The following PSPC1 variants were observed in gnomAD, a reference collection of about 807,000 sequenced individuals.
The protein encoded by PSPC1 is paraspeckle component 1, also known as paraspeckle protein 1.
Under a neutral mutation model 51.6 loss-of-function variants are expected in PSPC1, and 14 were observed. That is an observed-to-expected ratio of 0.27 (90% CI 0.18 to 0.42). PSPC1 has a LOEUF of 0.42. Among genes scored for constraint, PSPC1 ranks in the 10% least tolerant of loss-of-function variants. The pLI is 1.00. For missense variants in PSPC1, 406 were observed against 701.1 expected, an observed-to-expected ratio of 0.58 and a Z score of 4.75; for synonymous variants, 193 against 231.9, an observed-to-expected ratio of 0.83 and a Z score of 1.53.
intron 5 of PSPC1, among the ~76,000 whole-genome samples, chr13:19,735,235 C>T (rs186552682): frequency 9.1e-4 from 138 of 152,172 alleles, no homozygotes; most frequent in African/African-American, 3.0e-3. Context: ...TCACTTGAAC[C>T]GAAGAGGCAG....
At chr13:19,741,335 T>C (rs185933244) in intron 5 of PSPC1, among the ~76,000 whole-genome samples, 80 of 152,284 alleles carry the variant, frequency 5.3e-4, no homozygotes, top group African/African-American at 1.8e-3. Flanking sequence ...CATATAATAA[T>C]ACCTAAAACC....
At chr13:19,741,453 C>T in intron 5 of PSPC1, 112 bp downstream of exon 5, 1 of 730,024 alleles carries the variant, frequency 1.4e-6, no homozygotes, top group South Asian at 2.1e-5. Context: ...TTAAAATGGG[C>T]AATTTTTCTA....
intron 3 of PSPC1, among the ~76,000 whole-genome samples, chr13:19,755,818 A>AT (rs1433414544): frequency 1.3e-5 from 2 of 152,120 alleles, no homozygotes; most frequent in Non-Finnish European, 2.9e-5. Context: ...TTAAAATATC[A>AT]TGTTCATAAA....
At chr13:19,779,370 G>A (rs1403474961) in intron 1 of PSPC1, among the ~76,000 whole-genome samples, 4 of 111,662 alleles carry the variant, frequency 3.6e-5, no homozygotes, top group African/African-American at 1.3e-4. Flanking sequence ...TGCCGTCCGG[G>A]AGGGAGGTGG....
At chr13:19,732,231 T>C (rs1486953642) in intron 5 of PSPC1, among the ~76,000 whole-genome samples, 1 of 152,172 alleles carries the variant, frequency 6.6e-6, no homozygotes, top group East Asian at 1.9e-4. Flanking sequence ...GTATAATCCT[T>C]AAAAATAATC....
chr13:19,768,693 A>T (rs1888313541), intron 2 of PSPC1, among the ~76,000 whole-genome samples: 1 of 151,098 alleles, frequency 6.6e-6, no homozygotes, highest in African/African-American at 2.4e-5. Flanking sequence ...ACATCTAAAA[A>T]AATGGACAAA....
At chr13:19,774,374 T>C (rs1470776377) in intron 1 of PSPC1, among the ~76,000 whole-genome samples, 7 of 152,230 alleles carry the variant, frequency 4.6e-5, no homozygotes, top group Admixed American at 4.6e-4. Context: ...AAAATGTTCA[T>C]GACAGCTTGA....
intron 4 of PSPC1, among the ~76,000 whole-genome samples, chr13:19,742,517 T>C (rs1440789273): frequency 6.6e-6 from 1 of 152,128 alleles, no homozygotes; most frequent in Non-Finnish European, 1.5e-5. Context: ...GGCAGGCGGA[T>C]CACCTGAGGT....
chr13:19,698,446 G>A (rs192949022), downstream of PSPC1, among the ~76,000 whole-genome samples: 2 of 151,802 alleles, frequency 1.3e-5, no homozygotes, highest in Non-Finnish European at 2.9e-5. Flanking sequence ...CGTATTTAAT[G>A]AATAATTTGT....
intron 2 of PSPC1, among the ~76,000 whole-genome samples, chr13:19,764,473 ATCTTT>A (rs1370494763): frequency 6.6e-6 from 1 of 151,980 alleles, no homozygotes; most frequent in Non-Finnish European, 1.5e-5. Flanking sequence ...ATTGTGGCTG[ATCTTT>A]TCTTAGAACT....
chr13:19,765,246 C>A (rs1016066052), intron 2 of PSPC1, among the ~76,000 whole-genome samples: 1 of 151,282 alleles, frequency 6.6e-6, no homozygotes, highest in African/African-American at 2.4e-5. Flanking sequence ...ATCACTTGAA[C>A]CCAGAAGGCA....
intron 5 of PSPC1, among the ~76,000 whole-genome samples, chr13:19,740,411 G>A (rs993779592): frequency 7.9e-4 from 120 of 151,838 alleles, no homozygotes; most frequent in African/African-American, 2.7e-3. Context: ...GATAAACTCA[G>A]GTACAAAGTT....
chr13:19,743,977 G>A (rs758015590), intron 4 of PSPC1, among the ~76,000 whole-genome samples: 4 of 151,974 alleles, frequency 2.6e-5, no homozygotes, highest in African/African-American at 7.2e-5. Flanking sequence ...GCGTGGTGGC[G>A]CATGCCTGTA....
intron 6 of PSPC1, among the ~76,000 whole-genome samples, chr13:19,721,537 TACACAC>T (rs1158799519): frequency 6.6e-6 from 1 of 152,158 alleles, no homozygotes; most frequent in Non-Finnish European, 1.5e-5. Context: ...CACAGACATA[TACACAC>T]ACAAAAGTAC....
chr13:19,777,907 C>T (rs1037885901), intron 1 of PSPC1, among the ~76,000 whole-genome samples: 7 of 151,826 alleles, frequency 4.6e-5, no homozygotes, highest in Non-Finnish European at 1.0e-4. Flanking sequence ...GATCGCGCTA[C>T]TGCACTCCAG....
chr13:19,741,593 A>G lies in PSPC1; in HGVS notation c.1024T>C (p.Leu342=), dbSNP rs751635954. Residue 342 remains leucine, a synonymous_variant, in exon 5 of 9, where the codon TTG becomes CTG. Transcript: ENST00000338910. The stretch of plus-strand genomic sequence containing the variant: ...AGTTGTATTTGCTTCCGTTTTTGCA[A>G]CTCTTGGTTTCTGAGTTCTTCCAAG... ...RRLEELRNQE[L]QKRKQIQLRH... is the part of the protein sequence containing the mutation. 2.5e-6 allele frequency: 4 copies of G among 1,602,460 alleles called. No homozygotes were observed. The highest frequency in any genetic ancestry group is 2.2e-5 in the South Asian group (2 of 89,222).
At chr13:19,777,118 T>TTAA (rs1555251934) in intron 1 of PSPC1, among the ~76,000 whole-genome samples, 3 of 87,386 alleles carry the variant, frequency 3.4e-5, no homozygotes, top group Non-Finnish European at 6.2e-5. Flanking sequence ...AGGCTCCATC[T>TTAA]AAAAAAAAAA....
chr13:19,772,604 G>A, intron 1 of PSPC1, 61 bp from the exon 2 acceptor site: 1 of 1,497,356 alleles, frequency 6.7e-7, no homozygotes. Flanking sequence ...TCAAAACAGT[G>A]TTTGGCTTCT....
rs1890134260 is a variant in PSPC1, at chr13:19,782,922, C to G, written c.-165G>C. 1 of 659,446 alleles carries G rather than the reference C, an allele frequency of 1.5e-6. No homozygotes were observed. Among genetic ancestry groups the G allele is most frequent in the Non-Finnish European group, 2.3e-6 (1 of 441,190 alleles). The allele number at this position is 659,446 out of a possible 1,614,324, so 40.8% of individuals were successfully genotyped here. ...CCCGTCCTCCCCCAACTCACGCCCG[C>G]TGCAGCTGCACATTCAAAATGGCGC... On this transcript the variant is annotated 5_prime_UTR_variant, in exon 1 of 9. Transcript: ENST00000338910. This position sits in a 1 kb window ranked among gnomAD's most constrained non-coding sequence, Gnocchi z 4.5.
Sources: allele counts gnomAD v4.1 joint callset (sites outside exome capture counted in the v4.1 genomes callset), GRCh38; gene constraint gnomAD v4.1.1; non-coding constraint Gnocchi (gnomAD v3.1); transcripts MANE v1.5; gene names NCBI Gene and HGNC (gene_info 2026-07-23, HGNC 2026-07-21).